NFKB2: variants seen among roughly 807,000 people sequenced by gnomAD.
The protein encoded by NFKB2 is nuclear factor NF-kappa-B p100 subunit.
NFKB2 carries 21 observed loss-of-function variants against 109.3 expected under a neutral mutation model. The observed-to-expected ratio is 0.19, with a 90% CI of 0.14 to 0.28. The LOEUF (loss-of-function observed/expected upper bound fraction) is 0.28. Among genes scored for constraint, NFKB2 ranks in the 10% least tolerant of loss-of-function variants. NFKB2 has a pLI of 1.00. For missense variants in NFKB2, 806 were observed against 1,185.3 expected (o/e 0.68, Z 4.70); for synonymous variants, 478 against 489.9 (o/e 0.98, Z 0.32).
In NFKB2 at chr10:102,397,332, TAAG is replaced by T; in HGVS notation, c.432_434del (p.Lys144del). The T allele has an allele frequency of 6.2e-7, 1 of 1,613,090 alleles. No individual in the cohort carries two copies. The highest frequency in any genetic ancestry group is 8.5e-7 in the Non-Finnish European group (1 of 1,179,936). The stretch of plus-strand genomic sequence containing the variant: ...ACAACCTGGGTGTCCTGCATGTGAC[TAAG>T]AAGAACATGATGGGGACTATGATAC... On this transcript the variant is annotated inframe_deletion, in exon 7 of 23. Coordinates refer to ENST00000661543, the MANE Select transcript of NFKB2 (RefSeq NM_001322934.2). The surrounding 1 kb of genome is among the most constrained non-coding windows in gnomAD (Gnocchi z 4.7).
rs370999183 is a variant in NFKB2, at chr10:102,397,384, C to T, written c.478C>T (p.Arg160Cys). The T allele has an allele frequency of 4.3e-6, 7 of 1,610,216 alleles. No homozygotes were observed. Among genetic ancestry groups the T allele is most frequent in the African/African-American group, 2.7e-5 (2 of 74,160 alleles). Reference protein sequence around the residue: ...MIQKLQRQRLRSRPQGLTEAE... With the variant: ...MIQKLQRQRLCSRPQGLTEAE... Reference sequence around the variant, plus strand: ...ACAAAAACTTCAGAGGCAGCGGCTCCGCTCTAGGCCCCAGGGCCTTACGGG... The same window carrying T: ...ACAAAAACTTCAGAGGCAGCGGCTCTGCTCTAGGCCCCAGGGCCTTACGGG... Residue 160 changes from arginine (R) to cysteine (C), a missense_variant, in exon 7 of 23, where the codon CGC (arginine) becomes TGC (cysteine). Physicochemically the swap from Arg to Cys is radical, Grantham distance 180. Coordinates refer to ENST00000661543, the MANE Select transcript of NFKB2 (RefSeq NM_001322934.2). This position sits in a 1 kb window ranked among gnomAD's most constrained non-coding sequence, Gnocchi z 4.7.
At chr10:102,399,991 C>T (rs2061199474) in intron 14 of NFKB2, 89 bp from the exon 15 acceptor site, 4 of 1,365,386 alleles carry the variant, frequency 2.9e-6, no homozygotes, top group African/African-American at 1.4e-5. Context: ...TCCATGGGCC[C>T]CAGCGAGGGA....
rs866800704 is a variant in NFKB2, at chr10:102,399,463, G to T, written c.1293G>T (p.Gln431His). The T allele has an allele frequency of 1.3e-6, 2 of 1,504,732 alleles. No individual in the cohort carries two copies. The highest frequency in any genetic ancestry group is 8.9e-7 in the Non-Finnish European group (1 of 1,124,572). 93.2% of individuals were successfully genotyped at this position (1,504,732 alleles called of 1,614,324 possible). Residue 431 changes from glutamine (Q) to histidine (H), a missense_variant, in exon 13 of 23, where the codon CAG becomes CAT. Physicochemically the swap from Gln to His is conservative, Grantham distance 24. Coordinates refer to ENST00000661543, the MANE Select transcript of NFKB2 (RefSeq NM_001322934.2). ...CAAGCGCCCCCTCCAGGACCCCCCA[G>T]TGCGAGCCGCAGGCCCCGGAGATGC... ...AEPSAPSRTP[Q>H]CEPQAPEMLQ... is the part of the protein sequence containing the mutation.
At position 102,400,522 on chromosome 10, in the gene NFKB2, G is replaced by C. The variant is rs542705209; in HGVS notation, c.1798+31G>C. 2.0e-5 allele frequency: 31 copies of C among 1,588,884 alleles called. No individual in the cohort carries two copies. The South Asian group carries it at 3.2e-4, about 16-fold the overall frequency. On this transcript the variant is annotated intron_variant, in intron 16 of 22. Transcript: ENST00000661543. This position sits in a 1 kb window ranked among gnomAD's most constrained non-coding sequence, Gnocchi z 6.3. The stretch of plus-strand genomic sequence containing the variant: ...CTCCCCATCTCACCTGACTAAGGGG[G>C]CAGGCGGGGACCAGGGAGGGTATCT...
In NFKB2 at chr10:102,401,180, G is replaced by A. The variant is rs2135439896; in HGVS notation, c.2072G>A (p.Gly691Asp). Residue 691 changes from glycine (G) to aspartate (D), a missense_variant and splice_region_variant, in exon 19 of 23, where the codon GGT (glycine) becomes GAT (aspartate). This residue lies in a region of NFKB2 where 211 missense variants were observed against 268.7 expected (regional missense o/e 0.79). Transcript: ENST00000661543. This position sits in a 1 kb window ranked among gnomAD's most constrained non-coding sequence, Gnocchi z 4.2. ...CCCCATGACGGCCTCCCTCTCCCAG[G>A]TGCTGACATCCATGCTGAAAACGAG... ...PTLTRLLLKA[G>D]ADIHAENEEP... 5 of 1,591,682 alleles carry A rather than the reference G, an allele frequency of 3.1e-6. No homozygotes were observed. The East Asian group carries it at 6.7e-5, about 21-fold the overall frequency.
chr10:102,401,572 T>A lies in NFKB2; in HGVS notation c.2293+54T>A. The A allele has an allele frequency of 6.3e-7, 1 of 1,591,776 alleles. No homozygotes were observed. The highest frequency in any genetic ancestry group is 1.3e-5 in the African/African-American group (1 of 74,602). On this transcript the variant is annotated intron_variant, in intron 20 of 22. Coordinates refer to ENST00000661543, the MANE Select transcript of NFKB2 (RefSeq NM_001322934.2). The surrounding 1 kb of genome is among the most constrained non-coding windows in gnomAD (Gnocchi z 4.2). ...ACTCCTCTGACTCCTCACAGAGGTCTCTTCTCCTTCAGGACCTCTGAAGGA... is the reference window on the plus strand; with the variant it reads ...ACTCCTCTGACTCCTCACAGAGGTCACTTCTCCTTCAGGACCTCTGAAGGA...
At position 102,398,331 on chromosome 10, in the gene NFKB2, G is replaced by A; in HGVS notation, c.852+34G>A. On this transcript the variant is annotated intron_variant, in intron 10 of 22. Transcript: ENST00000661543. The surrounding 1 kb of genome is among the most constrained non-coding windows in gnomAD (Gnocchi z 6.6). ...GGCTAGGGCCCGGGCCCGGGCTGGG[G>A]GCTAAATTAGGCTAAGGACTCACTG... 6.2e-7 allele frequency: 1 copy of A among 1,614,056 alleles called. No homozygotes were observed. Among genetic ancestry groups the A allele is most frequent in the Admixed American group, 1.7e-5 (1 of 60,016 alleles).
chr10:102,396,328 G>GA lies in NFKB2; in HGVS notation c.100dup (p.Thr34AsnfsTer3). ...TGTGGAACCCAAGGAGCCAGCCCCA[G>GA]AAACAGGTCAGCAAGTTCACTAACC... On this transcript the variant is annotated frameshift_variant, in exon 3 of 23. Transcript: ENST00000661543. LOFTEE classifies it high-confidence loss of function. This position sits in a 1 kb window ranked among gnomAD's most constrained non-coding sequence, Gnocchi z 5.9. 6.2e-7 allele frequency: 1 copy of GA among 1,613,638 alleles called. No individual in the cohort carries two copies. The highest frequency in any genetic ancestry group is 8.5e-7 in the Non-Finnish European group (1 of 1,179,570).
In NFKB2 at chr10:102,398,325, G is replaced by T; in HGVS notation, c.852+28G>T. 1 of 1,614,090 alleles carries T rather than the reference G, an allele frequency of 6.2e-7. No individual in the cohort carries two copies. The highest frequency in any genetic ancestry group is 8.5e-7 in the Non-Finnish European group (1 of 1,179,974). On this transcript the variant is annotated intron_variant, in intron 10 of 22. Coordinates refer to ENST00000661543, the MANE Select transcript of NFKB2 (RefSeq NM_001322934.2). The surrounding 1 kb of genome is among the most constrained non-coding windows in gnomAD (Gnocchi z 6.6). ...ACCCAGGGCTAGGGCCCGGGCCCGG[G>T]CTGGGGGCTAAATTAGGCTAAGGAC...
upstream of NFKB2, chr10:102,394,861 A>C (rs562547444): frequency 6.6e-6 from 1 of 152,444 alleles, no homozygotes; most frequent in African/African-American, 2.4e-5. Flanking sequence ...AGACGTGCCC[A>C]CCGGTGCACT....
upstream of NFKB2, chr10:102,394,729 A>C (rs1403059091): frequency 2.6e-5 from 4 of 152,634 alleles, no homozygotes; most frequent in Non-Finnish European, 5.9e-5. Context: ...GCAGGCGACG[A>C]CACTCGGATC....
At position 102,402,364 on chromosome 10, in the gene NFKB2, T is replaced by C; in HGVS notation, c.2691T>C (p.Pro897=). The C allele has an allele frequency of 6.5e-7, 1 of 1,542,068 alleles. No homozygotes were observed. The highest frequency in any genetic ancestry group is 8.7e-7 in the Non-Finnish European group (1 of 1,145,800). ...GGCTCTGCCACGGGCACCCCCAGCC[T>C]CAGGTGCACTGACCTGCTGCCTGCC... ...PGGLCHGHPQ[P]QVH The change falls in exon 23 of 23, where the codon CCT becomes CCC. Residue 897 remains proline, a synonymous_variant. Transcript: ENST00000661543.
At chr10:102,399,785 G>A in intron 14 of NFKB2, 67 bp downstream of exon 14, 1 of 1,433,556 alleles carries the variant, frequency 7.0e-7, no homozygotes, top group Non-Finnish European at 9.1e-7. Context: ...GCACGGAGGC[G>A]GGCTCTGCAG....
Position 102,399,401 on chromosome 10 carries a change from G to A in NFKB2, c.1231G>A (p.Val411Met). The A allele has an allele frequency of 6.5e-7, 1 of 1,537,904 alleles. No individual in the cohort carries two copies. Among genetic ancestry groups the A allele is most frequent in the Admixed American group, 2.1e-5 (1 of 48,760 alleles). Residue 411 changes from valine (V) to methionine (M), a missense_variant, in exon 13 of 23, where the codon GTG (valine) becomes ATG (methionine). By Grantham distance (21) the Val-to-Met change is conservative. Around this residue, in one of 10 missense-constraint regions of NFKB2, gnomAD observed 209 missense variants for 211.9 expected, o/e 0.99. Transcript: ENST00000661543. The stretch of plus-strand genomic sequence containing the variant: ...GGGCGGGGCGCAGATGGCCGCCACG[G>A]TGCCCAGCAGGGACTCCGGGGAGGA... ...GGGGAQMAAT[V>M]PSRDSGEEAA...
rs1321775922 is a variant in NFKB2, at chr10:102,399,609, G to A, written c.1360G>A (p.Ala454Thr). 1.3e-6 allele frequency: 2 copies of A among 1,547,494 alleles called. No individual in the cohort carries two copies. The highest frequency in any genetic ancestry group is 1.2e-5 in the South Asian group (1 of 83,958). ...GTACAACGCGCGCCTGTTCGGCCTG[G>A]CGCAGCGCAGCGCCCGAGCCCTACT... is the stretch of plus-strand genomic sequence containing the variant. The part of the protein sequence containing the change: ...REYNARLFGL[A>T]QRSARALLDY... Residue 454 changes from alanine (A) to threonine (T), a missense_variant, in exon 14 of 23, where the codon GCG becomes ACG. By Grantham distance (58) the Ala-to-Thr change is moderately conservative. This residue lies in a region of NFKB2 where 209 missense variants were observed against 211.9 expected (regional missense o/e 0.99). Coordinates refer to ENST00000661543, the MANE Select transcript of NFKB2 (RefSeq NM_001322934.2).
chr10:102,397,891 T>C lies in NFKB2; in HGVS notation c.662-90T>C. On this transcript the variant is annotated intron_variant, in intron 8 of 22. Coordinates refer to ENST00000661543, the MANE Select transcript of NFKB2 (RefSeq NM_001322934.2). The surrounding 1 kb of genome is among the most constrained non-coding windows in gnomAD (Gnocchi z 4.7). ...TGGGTGTTTCCTGCAGCTCCAGGGG[T>C]TGCTGAGATAAGGAATACAAAGCCC... The C allele has an allele frequency of 1.4e-6, 2 of 1,380,186 alleles. No individual in the cohort carries two copies. Among genetic ancestry groups the C allele is most frequent in the South Asian group, 2.4e-5 (2 of 84,368 alleles). The allele number at this position is 1,380,186 out of a possible 1,614,324, so 85.5% of individuals were successfully genotyped here.
In NFKB2 at chr10:102,396,418, T is replaced by A. The variant is rs1349227884; in HGVS notation, c.104-31T>A. On this transcript the variant is annotated intron_variant, in intron 3 of 22. Coordinates refer to ENST00000661543, the MANE Select transcript of NFKB2 (RefSeq NM_001322934.2). The surrounding 1 kb of genome is among the most constrained non-coding windows in gnomAD (Gnocchi z 5.9). ...TCTCTCTGGGGGAGGGGCTGGGAGA[T>A]CGTGGCTCAGCAAGGTCTCTCTGTC... 1.9e-6 allele frequency: 3 copies of A among 1,613,998 alleles called. No homozygotes were observed.
In NFKB2 at chr10:102,401,219, C is replaced by G; in HGVS notation, c.2111C>G (p.Pro704Arg). 1 of 1,607,468 alleles carries G rather than the reference C, an allele frequency of 6.2e-7. No individual in the cohort carries two copies. The change falls in exon 19 of 23, where the codon CCA (proline) becomes CGA (arginine). Residue 704 changes from proline to arginine, a missense_variant. Pro to Arg is a moderately radical substitution (Grantham distance 103). Around this residue, in one of 10 missense-constraint regions of NFKB2, gnomAD observed 211 missense variants for 268.7 expected, o/e 0.79. Coordinates refer to ENST00000661543, the MANE Select transcript of NFKB2 (RefSeq NM_001322934.2). This position sits in a 1 kb window ranked among gnomAD's most constrained non-coding sequence, Gnocchi z 4.2. ...IHAENEEPLC[P>R]LPSPPTSDSD... ...GCTGAAAACGAGGAGCCCCTGTGCC[C>G]ACTGCCTTCACCCCCTACCTCTGAT...
In NFKB2 at chr10:102,396,879, G is replaced by C. The variant is rs1259247900; in HGVS notation, c.244-25G>C. ...AAGTGGACAGCATGCCCAAGGCCCT[G>C]ACTGACAGTCCCTGCCTCTCCTAGA... On this transcript the variant is annotated intron_variant, in intron 5 of 22. Transcript: ENST00000661543. The surrounding 1 kb of genome is among the most constrained non-coding windows in gnomAD (Gnocchi z 5.9). 6.3e-7 allele frequency: 1 copy of C among 1,599,938 alleles called. No homozygotes were observed. Among genetic ancestry groups the C allele is most frequent in the Admixed American group, 1.7e-5 (1 of 59,782 alleles).
Sources: gnomAD v4.1 joint callset for allele counts on GRCh38, gnomAD v4.1.1 for gene constraint, gnomAD v4.1.1 regional missense constraint, Gnocchi (gnomAD v3.1) non-coding constraint, MANE v1.5 for transcripts, NCBI Gene and HGNC (gene_info 2026-07-23, HGNC 2026-07-21) for gene names.